OR11A1: variants seen among roughly 807,000 people sequenced by gnomAD.
The protein encoded by OR11A1 is olfactory receptor family 11 subfamily A member 1.
For synonymous variants in OR11A1, 158 were observed against 152.2 expected (o/e 1.04, Z -0.28); for missense variants, 380 against 378.2 (o/e 1.00, Z -0.04).
chr6:29,448,071 C>G (rs1432781637), intron 1 of OR11A1, among the ~76,000 whole-genome samples: 2 of 123,950 alleles, frequency 1.6e-5, no homozygotes, highest in Non-Finnish European at 3.2e-5. Context: ...GGCTGGAGTA[C>G]AGTGGTGTGA....
rs1281707728 is a variant in OR11A1, at chr6:29,426,346, T to C, written c.*348A>G. 3 of 227,074 alleles carry C rather than the reference T, an allele frequency of 1.3e-5. No homozygotes were observed. The highest frequency in any genetic ancestry group is 1.7e-5 in the Non-Finnish European group (2 of 115,782). 14.1% of individuals were successfully genotyped at this position (227,074 alleles called of 1,614,324 possible). ...TAAATTATGAAAACATATGGATACATAGAGGGGAACAACACACTGAATCCT... is the reference window on the plus strand; with the variant it reads ...TAAATTATGAAAACATATGGATACACAGAGGGGAACAACACACTGAATCCT... On this transcript the variant is annotated 3_prime_UTR_variant, in exon 5 of 5. Transcript: ENST00000377149.
intron 1 of OR11A1, among the ~76,000 whole-genome samples, chr6:29,455,844 C>T (rs917386410): frequency 2.2e-5 from 3 of 137,300 alleles, no homozygotes; most frequent in African/African-American, 8.3e-5. Context: ...CCATTGCACT[C>T]CAGCCTAGGA....
chr6:29,435,664 A>C (rs1783572330), intron 1 of OR11A1, among the ~76,000 whole-genome samples: 1 of 152,258 alleles, frequency 6.6e-6, no homozygotes, highest in Non-Finnish European at 1.5e-5. Context: ...ATATATTTTA[A>C]TACAAAAGAG....
intron 1 of OR11A1, chr6:29,440,187 A>ATGTACTTC: frequency 6.2e-7 from 1 of 1,613,574 alleles, no homozygotes; most frequent in Non-Finnish European, 8.5e-7. Context: ...CCAGTCCCCT[A>ATGTACTTC]TGTACTTCTT....
intron 1 of OR11A1, chr6:29,440,159 C>T: frequency 6.2e-7 from 1 of 1,613,634 alleles, no homozygotes. Context: ...TGGTGCTGGT[C>T]TCCACTGATG....
intron 2 of OR11A1, among the ~76,000 whole-genome samples, chr6:29,431,445 C>G (rs1783222592): frequency 6.6e-6 from 1 of 151,806 alleles, no homozygotes; most frequent in Admixed American, 6.6e-5. Context: ...TAAGTATATC[C>G]CAGTTTTGTC....
At chr6:29,435,722 T>C (rs1034909786) in intron 1 of OR11A1, among the ~76,000 whole-genome samples, 1 of 152,254 alleles carries the variant, frequency 6.6e-6, no homozygotes, top group Non-Finnish European at 1.5e-5. Context: ...TATAGCTCTT[T>C]GTGGTTTCTG....
At chr6:29,454,571 A>C (rs1785824276) in intron 1 of OR11A1, among the ~76,000 whole-genome samples, 1 of 152,226 alleles carries the variant, frequency 6.6e-6, no homozygotes, top group African/African-American at 2.4e-5. Context: ...TTTATAAAAA[A>C]AATTTACTAT....
At position 29,426,636 on chromosome 6, in the gene OR11A1, T is replaced by C. The variant is rs1782823931; in HGVS notation, c.*58A>G. The C allele has an allele frequency of 3.6e-6, 5 of 1,370,948 alleles. No homozygotes were observed. Among genetic ancestry groups the C allele is most frequent in the Non-Finnish European group, 5.0e-6 (5 of 994,290 alleles). The allele number at this position is 1,370,948 out of a possible 1,614,324, so 84.9% of individuals were successfully genotyped here. On this transcript the variant is annotated 3_prime_UTR_variant, in exon 5 of 5. Coordinates refer to ENST00000377149, the MANE Select transcript of OR11A1 (RefSeq NM_001394828.1). The stretch of plus-strand genomic sequence containing the variant: ...AAAGTTACTCCTCTCCAACCCATCC[T>C]GGAAGAGTCCCCAGTGGAGGTGTCC...
At position 29,425,592 on chromosome 6, in the gene OR11A1, A is replaced by G. The variant is rs1201836876; in HGVS notation, c.*1102T>C. On this transcript the variant is annotated 3_prime_UTR_variant, in exon 5 of 5. Transcript: ENST00000377149. Reference sequence around the variant, plus strand: ...TATGTACATACATAACTTACACAACATAATAGTTATACAACATCTGGAATT... The same window carrying G: ...TATGTACATACATAACTTACACAACGTAATAGTTATACAACATCTGGAATT... The G allele has an allele frequency of 6.6e-6, 1 of 152,216 alleles. No individual in the cohort carries two copies. Among genetic ancestry groups the G allele is most frequent in the Non-Finnish European group, 1.5e-5 (1 of 68,034 alleles). 9.4% of individuals were successfully genotyped at this position (152,216 alleles called of 1,614,324 possible).
chr6:29,440,035 TG>T, intron 1 of OR11A1: 1 of 1,613,102 alleles, frequency 6.2e-7, no homozygotes, highest in Non-Finnish European at 8.5e-7. Flanking sequence ...AACACCTCCA[TG>T]GTGACTGAGT....
chr6:29,429,118 CA>C (rs1017017102), intron 3 of OR11A1, among the ~76,000 whole-genome samples, 158 bp from the exon 4 acceptor site: 1 of 152,094 alleles, frequency 6.6e-6, no homozygotes, highest in African/African-American at 2.4e-5. Context: ...TTTATTATCA[CA>C]AAAAATGTAA....
At chr6:29,440,260 A>C in intron 1 of OR11A1, 1 of 1,613,656 alleles carries the variant, frequency 6.2e-7, no homozygotes, top group Non-Finnish European at 8.5e-7. Context: ...CTGCTACTTC[A>C]CCACCTCCTT....
chr6:29,445,088 C>A (rs151295031), intron 1 of OR11A1, among the ~76,000 whole-genome samples: 1,898 of 152,282 alleles, frequency 0.012, 40 homozygotes, highest in African/African-American at 0.038. Context: ...CTCACTGCAA[C>A]CTCTGCCTTC....
chr6:29,440,053 T>C (rs949896037), intron 1 of OR11A1: 2 of 1,613,214 alleles, frequency 1.2e-6, no homozygotes, highest in Non-Finnish European at 1.7e-6. Context: ...GAGTTTCTTC[T>C]TCTCGGCTTC....
intron 1 of OR11A1, among the ~76,000 whole-genome samples, chr6:29,439,147 T>A (rs1178511619): frequency 6.6e-6 from 1 of 152,242 alleles, no homozygotes; most frequent in Non-Finnish European, 1.5e-5. Context: ...GATTTGCAAC[T>A]TTAGATAAAT....
At chr6:29,448,336 T>C (rs6934737) in intron 1 of OR11A1, among the ~76,000 whole-genome samples, 15,092 of 152,098 alleles carry the variant, frequency 0.099, 1,365 homozygotes, top group African/African-American at 0.24. Flanking sequence ...TCTAAGGAAG[T>C]GAAGATGGCA....
At chr6:29,439,940 G>A (rs1783964248) in intron 1 of OR11A1, 1 of 1,102,120 alleles carries the variant, frequency 9.1e-7, no homozygotes, top group Non-Finnish European at 1.3e-6. Flanking sequence ...GGTCATCTTT[G>A]CCCATTTCAC....
intron 1 of OR11A1, among the ~76,000 whole-genome samples, chr6:29,434,301 T>C (rs1482489086): frequency 5.3e-5 from 8 of 152,222 alleles, no homozygotes; most frequent in Admixed American, 4.6e-4. Flanking sequence ...TTTGCAGTCA[T>C]ATGTTTAAGT....
Sources: gnomAD v4.1 joint callset for allele counts (sites outside exome capture counted in the v4.1 genomes callset) on GRCh38, gnomAD v4.1.1 for gene constraint, MANE v1.5 for transcripts, NCBI Gene and HGNC (gene_info 2026-07-23, HGNC 2026-07-21) for gene names.